The following TMEM117 variants were observed in gnomAD, a reference collection of about 807,000 sequenced individuals.
The protein encoded by TMEM117 is transmembrane protein 117.
In TMEM117, 27 loss-of-function variants were observed where a neutral mutation model predicts 52.4. The ratio of observed to expected loss-of-function variants is 0.51; its 90% CI spans 0.38 to 0.71. TMEM117 has a LOEUF of 0.71. Ranked by LOEUF, TMEM117 falls within the 30% of genes least tolerant of loss-of-function variation. The pLI is 0.00. For missense variants in TMEM117, 556 were observed against 630.5 expected (o/e 0.88, Z 1.26); for synonymous variants, 215 against 206.3 (o/e 1.04, Z -0.36).
At chr12:44,248,173 C>T (rs573543884) in intron 5 of TMEM117, among the ~76,000 whole-genome samples, 63 of 152,160 alleles carry the variant, frequency 4.1e-4, no homozygotes, top group African/African-American at 1.5e-3. Context: ...AGCAACTAGA[C>T]CCAGATGGGT....
intron 2 of TMEM117, among the ~76,000 whole-genome samples, chr12:43,850,311 T>A (rs1368376609): frequency 6.6e-6 from 1 of 152,176 alleles, no homozygotes; most frequent in Non-Finnish European, 1.5e-5. Flanking sequence ...GGATTAGCAT[T>A]TAAGATGGAG....
chr12:44,191,172 G>A lies in TMEM117; in HGVS notation c.511-20118G>A, dbSNP rs564992812. 7.2e-4 allele frequency among the ~76,000 whole-genome samples: 110 copies of A among 151,916 alleles called. 1 individual carries two copies. Among genetic ancestry groups the A allele is most frequent in the Non-Finnish European group, 1.3e-3 (85 of 67,976 alleles). On this transcript the variant is annotated intron_variant, in intron 4 of 7. Coordinates refer to ENST00000266534, the MANE Select transcript of TMEM117 (RefSeq NM_032256.3). ...GAATGAGTGCCCAGCAGAGGGGGAA[G>A]CCTCTTATAAAATCCATCAGATCTC...
intron 2 of TMEM117, among the ~76,000 whole-genome samples, chr12:43,928,283 TA>T (rs1195551889): frequency 6.6e-6 from 1 of 151,946 alleles, no homozygotes; most frequent in African/African-American, 2.4e-5. Context: ...TAGATGTTAA[TA>T]TTTTTATTAT....
chr12:43,820,103 T>TTTTTTTG, the TMEM117 span, among the ~76,000 whole-genome samples: 536 of 151,582 alleles, frequency 3.5e-3, 2 homozygotes, highest in African/African-American at 0.013. Flanking sequence ...AGGTGTATTT[T>TTTTTTTG]TTTTTGTTTT....
the TMEM117 span, among the ~76,000 whole-genome samples, chr12:43,819,548 G>C: frequency 4.6e-5 from 7 of 152,258 alleles, no homozygotes; most frequent in East Asian, 1.4e-3. Flanking sequence ...GTTGAGGCAG[G>C]CGGATCACGA....
chr12:44,310,849 CT>C (rs1950965376), intron 6 of TMEM117, among the ~76,000 whole-genome samples: 1 of 152,120 alleles, frequency 6.6e-6, no homozygotes, highest in Non-Finnish European at 1.5e-5. Context: ...GGGTCTTCCT[CT>C]TACATCTAGT....
intron 3 of TMEM117, among the ~76,000 whole-genome samples, chr12:43,987,993 G>A (rs571014438): frequency 7.9e-5 from 12 of 152,144 alleles, no homozygotes; most frequent in African/African-American, 2.9e-4. Context: ...GTTTCAATTT[G>A]TCAGGGTATT....
intron 4 of TMEM117, among the ~76,000 whole-genome samples, chr12:44,195,064 T>C (rs544500036): frequency 1.3e-5 from 2 of 152,314 alleles, no homozygotes; most frequent in East Asian, 1.9e-4. Flanking sequence ...CAAGACACAT[T>C]TGATAGCTCA....
intron 2 of TMEM117, among the ~76,000 whole-genome samples, chr12:43,890,830 C>A (rs1182293627): frequency 6.6e-6 from 1 of 151,934 alleles, no homozygotes; most frequent in Non-Finnish European, 1.5e-5. Context: ...GCGCCCAGCC[C>A]CAAGGGATAT....
At chr12:43,945,592 G>A (rs1945119154) in intron 3 of TMEM117, among the ~76,000 whole-genome samples, 1 of 152,178 alleles carries the variant, frequency 6.6e-6, no homozygotes, top group South Asian at 2.1e-4. Context: ...CAAAGTGCTG[G>A]GATTACAGGC....
At chr12:44,043,499 A>G (rs1946833442) in intron 3 of TMEM117, among the ~76,000 whole-genome samples, 2 of 152,124 alleles carry the variant, frequency 1.3e-5, no homozygotes, top group Admixed American at 1.3e-4. Flanking sequence ...GCCATAAGGA[A>G]CAGCTGCCCC....
intron 6 of TMEM117, among the ~76,000 whole-genome samples, chr12:44,311,032 A>G (rs1174547328): frequency 6.6e-6 from 1 of 152,168 alleles, no homozygotes; most frequent in Non-Finnish European, 1.5e-5. Context: ...TGATAGTCTC[A>G]GTTTATTGCA....
chr12:44,289,225 TTGTGTGTGTGTGTGTGTGTGTG>T (rs59507806), intron 5 of TMEM117, among the ~76,000 whole-genome samples: 1 of 145,978 alleles, frequency 6.9e-6, no homozygotes, highest in Non-Finnish European at 1.5e-5. Flanking sequence ...CTATCCCATT[TTGTGTGTGTGTGTGTGTGTGTG>T]TGTGTGTGTG....
At chr12:44,231,430 T>C (rs536496670) in intron 5 of TMEM117, among the ~76,000 whole-genome samples, 1 of 151,970 alleles carries the variant, frequency 6.6e-6, no homozygotes, top group African/African-American at 2.4e-5. Flanking sequence ...TTAGAAATAA[T>C]GTCTTCAGGA....
At chr12:43,805,258 G>C in the TMEM117 span, among the ~76,000 whole-genome samples, 1 of 152,162 alleles carries the variant, frequency 6.6e-6, no homozygotes, top group Non-Finnish European at 1.5e-5. Context: ...TCAAGCATGA[G>C]AGTCAATAAC....
chr12:43,808,812 GA>G, the TMEM117 span, among the ~76,000 whole-genome samples: 35,571 of 80,978 alleles, frequency 0.44, 5,826 homozygotes, highest in East Asian at 0.7. Context: ...TCAAAGGGGA[GA>G]AAAAAAAAAA....
intron 4 of TMEM117, among the ~76,000 whole-genome samples, chr12:44,188,511 A>G (rs1592592152): frequency 1.3e-5 from 2 of 152,244 alleles, no homozygotes; most frequent in East Asian, 1.9e-4. Context: ...GGTACCAGTT[A>G]TATCTTATCT....
At chr12:43,819,807 A>G in the TMEM117 span, among the ~76,000 whole-genome samples, 1 of 151,992 alleles carries the variant, frequency 6.6e-6, no homozygotes, top group Non-Finnish European at 1.5e-5. Context: ...AGAGGGAGAG[A>G]GAGAGAAAGG....
chr12:44,271,519 T>C (rs531150267), intron 5 of TMEM117, among the ~76,000 whole-genome samples: 3 of 152,198 alleles, frequency 2.0e-5, no homozygotes, highest in Admixed American at 2.0e-4. Flanking sequence ...ATCTTTTCAA[T>C]ACGTGATGCT....
Sources: gnomAD v4.1 joint callset for allele counts (sites outside exome capture counted in the v4.1 genomes callset) on GRCh38, gnomAD v4.1.1 for gene constraint, MANE v1.5 for transcripts, NCBI Gene and HGNC (gene_info 2026-07-23, HGNC 2026-07-21) for gene names.